ERG: variants seen among roughly 807,000 people sequenced by gnomAD.
The protein encoded by ERG is ETS transcription factor ERG.
In ERG, 9 loss-of-function variants were observed where a neutral mutation model predicts 55.3. The ratio of observed to expected loss-of-function variants is 0.16; its 90% CI spans 0.10 to 0.28. The LOEUF is 0.28. Among genes scored for constraint, ERG ranks in the 10% least tolerant of loss-of-function variants. The pLI, the probability that ERG is intolerant of heterozygous loss-of-function variation, is 1.00. For synonymous variants in ERG, 223 were observed against 237.3 expected (o/e 0.94, Z 0.55); for missense variants, 434 against 631.6 (o/e 0.69, Z 3.35).
intron 1 of ERG, among the ~76,000 whole-genome samples, chr21:38,577,744 A>G (rs1324839483): frequency 2.0e-5 from 3 of 152,146 alleles, no homozygotes; most frequent in African/African-American, 4.8e-5. Flanking sequence ...TCACAAAGGG[A>G]GGGCGTCCCA....
intron 1 of ERG, among the ~76,000 whole-genome samples, chr21:38,622,492 C>T (rs1361983917): frequency 6.6e-6 from 1 of 150,472 alleles, no homozygotes; most frequent in African/African-American, 2.5e-5. Flanking sequence ...CACACATGCT[C>T]ATACATACCA....
At chr21:38,633,375 T>G (rs1017268498) in intron 1 of ERG, among the ~76,000 whole-genome samples, 24 of 152,234 alleles carry the variant, frequency 1.6e-4, no homozygotes, top group Non-Finnish European at 3.2e-4. Flanking sequence ...AACTTTCATG[T>G]TATGCATTTC....
At chr21:38,398,771 G>A (rs76695673) in intron 6 of ERG, among the ~76,000 whole-genome samples, 1 of 152,332 alleles carries the variant, frequency 6.6e-6, no homozygotes, top group African/African-American at 2.4e-5. Context: ...CAGTCAGCTG[G>A]CTTGTCTGAC....
At position 38,389,720 on chromosome 21, in the gene ERG, C is replaced by T. The variant is rs141920609; in HGVS notation, c.919+1275G>A. Among the ~76,000 whole-genome samples the T allele has an allele frequency of 1.5e-4, 22 of 151,642 alleles. No homozygotes were observed. In the East Asian group the frequency reaches 3.5e-3, roughly 24 times the overall value. ...GTAACTACCTGTGTCCATCTCTCCA[C>T]GGACCAAAAGCACCCTGAGCTAAAG... On this transcript the variant is annotated intron_variant, in intron 9 of 9. Transcript: ENST00000288319.
chr21:38,415,016 T>A (rs1426392410), intron 3 of ERG, among the ~76,000 whole-genome samples: 1 of 152,190 alleles, frequency 6.6e-6, no homozygotes, highest in African/African-American at 2.4e-5. Context: ...TTTACTTAAG[T>A]CTTATTTGAA....
At chr21:38,655,573 C>T (rs140970949) in intron 1 of ERG, among the ~76,000 whole-genome samples, 152 of 152,280 alleles carry the variant, frequency 1.0e-3, no homozygotes, top group Non-Finnish European at 1.9e-3. Context: ...CACTTGGCTC[C>T]GAACAAATTA....
At chr21:38,579,007 T>C (rs928388833) in intron 1 of ERG, among the ~76,000 whole-genome samples, 1 of 152,118 alleles carries the variant, frequency 6.6e-6, no homozygotes, top group African/African-American at 2.4e-5. Context: ...CTACGAGACA[T>C]GATCTCAAAC....
intron 1 of ERG, among the ~76,000 whole-genome samples, chr21:38,472,250 T>C (rs1057483283): frequency 6.6e-6 from 1 of 152,160 alleles, no homozygotes; most frequent in Non-Finnish European, 1.5e-5. Flanking sequence ...TGCACTATTA[T>C]TGTATGCCAC....
chr21:38,397,965 G>A (rs987389465), intron 6 of ERG, among the ~76,000 whole-genome samples: 1 of 152,098 alleles, frequency 6.6e-6, no homozygotes, highest in Non-Finnish European at 1.5e-5. Flanking sequence ...CGGTTCCCTC[G>A]GATGTGGGAT....
At chr21:38,660,901 GC>G (rs2060550810) in intron 1 of ERG, among the ~76,000 whole-genome samples, 1 of 152,044 alleles carries the variant, frequency 6.6e-6, no homozygotes, top group African/African-American at 2.4e-5. Flanking sequence ...GTGTCCGTGC[GC>G]GCGCCCTCGG....
intron 3 of ERG, among the ~76,000 whole-genome samples, chr21:38,407,915 CTATA>C (rs1286284526): frequency 1.4e-5 from 2 of 143,334 alleles, no homozygotes; most frequent in African/African-American, 2.6e-5. Flanking sequence ...TACATATATG[CTATA>C]TATACTACCT....
chr21:38,416,147 T>C (rs1243136848), intron 3 of ERG, among the ~76,000 whole-genome samples: 1 of 152,234 alleles, frequency 6.6e-6, no homozygotes, highest in Non-Finnish European at 1.5e-5. Context: ...ATCCCTTCTT[T>C]ACATGAAATC....
chr21:38,420,776 C>T (rs1569084037), intron 3 of ERG, among the ~76,000 whole-genome samples: 1 of 152,162 alleles, frequency 6.6e-6, no homozygotes, highest in African/African-American at 2.4e-5. Context: ...ACAGCCTCAC[C>T]AGTTAGAAGA....
chr21:38,388,111 G>A (rs991813763), intron 9 of ERG, among the ~76,000 whole-genome samples: 2 of 152,310 alleles, frequency 1.3e-5, no homozygotes, highest in Non-Finnish European at 2.9e-5. Context: ...CTGGTCTGTC[G>A]TTCTGCAAGA....
chr21:38,571,978 C>T (rs953436631), intron 2 of ERG, among the ~76,000 whole-genome samples: 1 of 152,168 alleles, frequency 6.6e-6, no homozygotes, highest in Admixed American at 6.5e-5. Flanking sequence ...ATAACAAAAA[C>T]ATTTTAGTAG....
chr21:38,528,691 A>G (rs921479528), intron 2 of ERG, among the ~76,000 whole-genome samples: 1 of 39,772 alleles, frequency 2.5e-5, no homozygotes, highest in Non-Finnish European at 7.9e-5. Flanking sequence ...CTCATGATCC[A>G]CCCGCCTCGG....
intron 1 of ERG, among the ~76,000 whole-genome samples, chr21:38,597,379 C>A (rs1266786853): frequency 6.6e-6 from 1 of 151,974 alleles, no homozygotes; most frequent in East Asian, 1.9e-4. Flanking sequence ...CATATAAACA[C>A]ACGTGTGTGT....
intron 2 of ERG, among the ~76,000 whole-genome samples, chr21:38,505,084 G>C (rs2059450129): frequency 6.6e-6 from 1 of 152,148 alleles, no homozygotes; most frequent in Admixed American, 6.5e-5. Flanking sequence ...CTTTAATTCA[G>C]CATCACCTCA....
intron 3 of ERG, among the ~76,000 whole-genome samples, chr21:38,408,080 T>C (rs1988858354): frequency 6.6e-6 from 1 of 152,142 alleles, no homozygotes; most frequent in African/African-American, 2.4e-5. Flanking sequence ...CACATCCTTT[T>C]AGCATTTGAT....
Sources: allele counts gnomAD v4.1 joint callset (sites outside exome capture counted in the v4.1 genomes callset), GRCh38; gene constraint gnomAD v4.1.1; transcripts MANE v1.5; gene names NCBI Gene and HGNC (gene_info 2026-07-23, HGNC 2026-07-21).